GOLPH3L: variants seen among roughly 807,000 people sequenced by gnomAD.
The protein encoded by GOLPH3L is golgi phosphoprotein 3 like.
GOLPH3L carries 22 observed loss-of-function variants against 30.3 expected under a neutral mutation model. The ratio of observed to expected loss-of-function variants is 0.73; its 90% confidence interval spans 0.52 to 1.04. The LOEUF (loss-of-function observed/expected upper bound fraction) is 1.04. Ranked by LOEUF, GOLPH3L falls within the 50% of genes least tolerant of loss-of-function variation. GOLPH3L has a pLI of 0.00. For missense variants in GOLPH3L, 303 were observed against 345.8 expected, an observed-to-expected ratio of 0.88 and a Z score of 0.98; for synonymous variants, 120 against 128.2, an observed-to-expected ratio of 0.94 and a Z score of 0.43.
rs764601844 is a variant in GOLPH3L at position 150,648,314 on chromosome 1, G to T, written c.*7C>A. The T allele has an allele frequency of 5.7e-6, 9 of 1,573,294 alleles. No homozygotes were observed. Among genetic ancestry groups the T allele is most frequent in the Non-Finnish European group, 7.8e-6 (9 of 1,155,546 alleles). On this transcript the variant is annotated 3_prime_UTR_variant, in exon 5 of 5. Coordinates refer to ENST00000271732, the MANE Select transcript of GOLPH3L (RefSeq NM_018178.6). ...GCAGGGGAAAAGGAGAAATCCACCT[G>T]CCGGCTTTAAGATTTATTGAAGGCT...
chr1:150,673,167 A>AT (rs1553187518), intron 2 of GOLPH3L, among the ~76,000 whole-genome samples: 3 of 152,112 alleles, frequency 2.0e-5, no homozygotes, highest in Non-Finnish European at 4.4e-5. Flanking sequence ...TACCCTAAAA[A>AT]TTTTTATTTT....
At chr1:150,684,531 T>C (rs1442326425) in intron 2 of GOLPH3L, among the ~76,000 whole-genome samples, 2 of 152,046 alleles carry the variant, frequency 1.3e-5, no homozygotes, top group Non-Finnish European at 2.9e-5. Flanking sequence ...TGCTTACTCA[T>C]ATTTATCTCT....
intron 2 of GOLPH3L, among the ~76,000 whole-genome samples, chr1:150,684,951 A>G (rs752897683): frequency 6.6e-6 from 1 of 152,208 alleles, no homozygotes; most frequent in Non-Finnish European, 1.5e-5. Flanking sequence ...TACAGGTGTG[A>G]GCCACCATGC....
chr1:150,669,049 T>A (rs1650579940), intron 2 of GOLPH3L, among the ~76,000 whole-genome samples: 1 of 152,188 alleles, frequency 6.6e-6, no homozygotes, highest in Non-Finnish European at 1.5e-5. Context: ...TTTCCTATTG[T>A]AGCATCTCAA....
At chr1:150,684,676 T>A (rs1651041966) in intron 2 of GOLPH3L, among the ~76,000 whole-genome samples, 1 of 150,282 alleles carries the variant, frequency 6.7e-6, no homozygotes, top group Admixed American at 6.6e-5. Flanking sequence ...ATTATTTTAA[T>A]TTTTTTTTTG....
At chr1:150,677,816 G>C (rs968548530) in intron 2 of GOLPH3L, among the ~76,000 whole-genome samples, 3 of 151,198 alleles carry the variant, frequency 2.0e-5, no homozygotes, top group Non-Finnish European at 4.4e-5. Context: ...TTAGAGATGA[G>C]GGTCTTGCTA....
rs1316024209 is a variant in GOLPH3L, at chr1:150,648,386, C to T, written c.793G>A (p.Glu265Lys). 6 of 1,613,794 alleles carry T rather than the reference C, an allele frequency of 3.7e-6. No individual in the cohort carries two copies. Among genetic ancestry groups the T allele is most frequent in the Non-Finnish European group, 5.1e-6 (6 of 1,179,826 alleles). The change falls in exon 5 of 5, where the codon GAA becomes AAA. Residue 265 changes from glutamate to lysine, a missense_variant. Coordinates refer to ENST00000271732, the MANE Select transcript of GOLPH3L (RefSeq NM_018178.6). Reference sequence around the variant, plus strand: ...TCTGTGGCACTAGGCTTTGTCCCTTCCACTTCAGGGTCCAGTTCTACTAAG... The same window carrying T: ...TCTGTGGCACTAGGCTTTGTCCCTTTCACTTCAGGGTCCAGTTCTACTAAG... ...KDLVELDPEVEGTKPSATEMI... is the reference protein window; with the variant it reads ...KDLVELDPEVKGTKPSATEMI...
chr1:150,696,275 T>G lies in GOLPH3L; in HGVS notation c.-13+717A>C, dbSNP rs1651352305. ...TCACCCTTTTCTCTTCCTCTTTACA[T>G]TCTACCCATTCTTTAAAGGCCTTGT... On this transcript the variant is annotated intron_variant, in intron 1 of 4. Transcript: ENST00000271732. Among the ~76,000 whole-genome samples, 3 of 152,256 alleles carry G rather than the reference T, an allele frequency of 2.0e-5. No homozygotes were observed. In the South Asian group the frequency reaches 6.2e-4, roughly 32 times the overall value.
chr1:150,651,642 C>CAAAAAAAAAAAA (rs59940841), intron 4 of GOLPH3L, among the ~76,000 whole-genome samples: 4 of 60,822 alleles, frequency 6.6e-5, no homozygotes, highest in Non-Finnish European at 1.2e-4. Context: ...GAGCGAAACT[C>CAAAAAAAAAAAA]AAAAAAAAAA....
At position 150,678,641 on chromosome 1, in the gene GOLPH3L, C is replaced by T. The variant is rs1358779065; in HGVS notation, c.184-14878G>A. On this transcript the variant is annotated intron_variant, in intron 2 of 4. Transcript: ENST00000271732. ...TTGTTTTTTACACATTTTTGTATGCCTGAATTATTTGTAATTTTGAAAAAA... is the reference window on the plus strand; with the variant it reads ...TTGTTTTTTACACATTTTTGTATGCTTGAATTATTTGTAATTTTGAAAAAA... Among the ~76,000 whole-genome samples, 3 of 152,048 alleles carry T rather than the reference C, an allele frequency of 2.0e-5. No homozygotes were observed. In the East Asian group the frequency reaches 5.8e-4, roughly 29 times the overall value.
intron 2 of GOLPH3L, chr1:150,694,287 AG>A (rs1451613652): frequency 2.1e-5 from 6 of 286,316 alleles, no homozygotes; most frequent in African/African-American, 4.6e-5. Context: ...TTCATGTAAA[AG>A]ACTATTTCTC....
At chr1:150,658,785 G>C (rs1290276831) in intron 4 of GOLPH3L, among the ~76,000 whole-genome samples, 1 of 152,200 alleles carries the variant, frequency 6.6e-6, no homozygotes, top group Non-Finnish European at 1.5e-5. Context: ...TGGAAACATG[G>C]TGGTAGAGTG....
intron 4 of GOLPH3L, among the ~76,000 whole-genome samples, chr1:150,652,378 CTCA>C (rs1318161861): frequency 3.6e-5 from 1 of 28,098 alleles, no homozygotes; most frequent in Non-Finnish European, 6.1e-5. Flanking sequence ...GAGACTCTGT[CTCA>C]AAAAAAAAAA....
intron 4 of GOLPH3L, among the ~76,000 whole-genome samples, chr1:150,649,178 T>C (rs1371841954): frequency 2.0e-5 from 3 of 152,218 alleles, no homozygotes; most frequent in Non-Finnish European, 2.9e-5. Context: ...AGGCTGACAA[T>C]ATTTAGACTT....
chr1:150,671,007 T>C (rs1398816669), intron 2 of GOLPH3L, among the ~76,000 whole-genome samples: 1 of 151,294 alleles, frequency 6.6e-6, no homozygotes, highest in Non-Finnish European at 1.5e-5. Context: ...TGGGAGGCCA[T>C]GGTGGGTGGA....
chr1:150,696,953 G>A (rs1242121599), intron 1 of GOLPH3L, 39 bp downstream of exon 1: 1 of 151,874 alleles, frequency 6.6e-6, no homozygotes, highest in Non-Finnish European at 1.5e-5. Flanking sequence ...TTTGGTGGGG[G>A]GAAGGGACGT....
intron 2 of GOLPH3L, among the ~76,000 whole-genome samples, chr1:150,668,714 AG>A (rs1251475533): frequency 6.6e-6 from 1 of 151,952 alleles, no homozygotes; most frequent in Non-Finnish European, 1.5e-5. Flanking sequence ...TCTTTAAGGA[AG>A]GGGTAGGCTT....
At chr1:150,678,301 A>AG (rs917215031) in intron 2 of GOLPH3L, among the ~76,000 whole-genome samples, 1 of 151,020 alleles carries the variant, frequency 6.6e-6, no homozygotes, top group African/African-American at 2.4e-5. Flanking sequence ...AAAAAAAAAA[A>AG]AAAAAAGGAC....
chr1:150,671,632 A>C (rs1224499765), intron 2 of GOLPH3L, among the ~76,000 whole-genome samples: 1 of 151,826 alleles, frequency 6.6e-6, no homozygotes. Context: ...ATGGTGAAAC[A>C]CTGTCTCTAC....
Sources: allele counts gnomAD v4.1 joint callset (sites outside exome capture counted in the v4.1 genomes callset), GRCh38; gene constraint gnomAD v4.1.1; transcripts MANE v1.5; gene names NCBI Gene and HGNC (gene_info 2026-07-23, HGNC 2026-07-21).